ACAD11: variants seen among roughly 807,000 people sequenced by gnomAD.
The protein encoded by ACAD11 is acyl-Coenzyme A dehydrogenase family, member 11.
A neutral mutation model predicts 102.2 loss-of-function variants in ACAD11; 83 were observed. The observed-to-expected ratio is 0.81, with a 90% CI of 0.68 to 0.97. The LOEUF (loss-of-function observed/expected upper bound fraction) is 0.97, where lower values mean the gene tolerates loss of function less well. Ranked by LOEUF, ACAD11 falls within the 50% of genes least tolerant of loss-of-function variation. The probability of loss-of-function intolerance (pLI) is 0.00; values close to 1 mark genes in which losing one functional copy is unlikely to be tolerated. For synonymous variants in ACAD11, 324 were observed against 319.8 expected, an observed-to-expected ratio of 1.01 and a Z score of -0.14; for missense variants, 901 against 951.7, an observed-to-expected ratio of 0.95 and a Z score of 0.70.
chr3:132,624,602 TA>T (rs113651845), intron 9 of ACAD11, among the ~76,000 whole-genome samples: 5 of 140,716 alleles, frequency 3.6e-5, no homozygotes, highest in African/African-American at 2.6e-5. Context: ...AAGACTCCAT[TA>T]AAAAAAAAAA....
chr3:132,625,172 G>A (rs1264232146), intron 9 of ACAD11, among the ~76,000 whole-genome samples: 1 of 152,080 alleles, frequency 6.6e-6, no homozygotes, highest in Non-Finnish European at 1.5e-5. Flanking sequence ...ACTCCACTGT[G>A]GGAAAATGGT....
intron 2 of ACAD11, among the ~76,000 whole-genome samples, chr3:132,644,263 C>T (rs868174502): frequency 6.6e-6 from 1 of 152,088 alleles, no homozygotes; most frequent in African/African-American, 2.4e-5. Context: ...TCTGAAAATC[C>T]ATAGATAATA....
intron 12 of ACAD11, 75 bp from the exon 13 acceptor site, chr3:132,603,402 T>C: frequency 7.5e-7 from 1 of 1,332,004 alleles, no homozygotes; most frequent in Non-Finnish European, 1.1e-6. Context: ...ATGAAAACTT[T>C]AAAAACAAAG....
intron 1 of ACAD11, among the ~76,000 whole-genome samples, chr3:132,653,213 G>A (rs926817328): frequency 6.6e-6 from 1 of 152,068 alleles, no homozygotes; most frequent in Non-Finnish European, 1.5e-5. Flanking sequence ...CATTCTCTTG[G>A]ATGGCTGTTT....
rs772762535 is a variant in ACAD11 at position 132,558,949 on chromosome 3, G to C, written c.*22C>G. 6.4e-7 allele frequency: 1 copy of C among 1,558,724 alleles called. No individual in the cohort carries two copies. Among genetic ancestry groups the C allele is most frequent in the East Asian group, 2.2e-5 (1 of 44,448 alleles). On this transcript the variant is annotated 3_prime_UTR_variant, in exon 20 of 20. Coordinates refer to ENST00000264990, the MANE Select transcript of ACAD11 (RefSeq NM_032169.5). ...GTATAAAGGAGAGTTTCTGCCAGTG[G>C]GATGTGGCAGTGCCACCCTCCTTAT...
chr3:132,604,982 T>G, intron 12 of ACAD11, 116 bp downstream of exon 12: 1 of 682,162 alleles, frequency 1.5e-6, no homozygotes, highest in East Asian at 2.8e-5. Context: ...ACTCACATTT[T>G]TGGCCAATGG....
intron 13 of ACAD11, among the ~76,000 whole-genome samples, chr3:132,588,285 T>TA (rs1224020214): frequency 6.6e-6 from 1 of 152,182 alleles, no homozygotes; most frequent in African/African-American, 2.4e-5. Flanking sequence ...CTTAAGCACT[T>TA]ACTCCACCAG....
At chr3:132,573,737 C>T (rs1360104549) in intron 17 of ACAD11, among the ~76,000 whole-genome samples, 1 of 152,190 alleles carries the variant, frequency 6.6e-6, no homozygotes, top group Non-Finnish European at 1.5e-5. Flanking sequence ...TCAGTTGGGT[C>T]TCTATAGACC....
intron 13 of ACAD11, chr3:132,600,292 C>CTA: frequency 9.7e-7 from 1 of 1,035,464 alleles, no homozygotes; most frequent in Non-Finnish European, 1.4e-6. Context: ...CAGCAACAGG[C>CTA]TATACTCTAG....
chr3:132,575,355 A>T (rs1026625703), intron 17 of ACAD11, among the ~76,000 whole-genome samples: 5 of 152,188 alleles, frequency 3.3e-5, no homozygotes, highest in Non-Finnish European at 7.3e-5. Flanking sequence ...GTTTATTAGC[A>T]TGTTTCTCCT....
chr3:132,564,015 A>G (rs1937141987), intron 17 of ACAD11, among the ~76,000 whole-genome samples: 1 of 152,328 alleles, frequency 6.6e-6, no homozygotes, highest in African/African-American at 2.4e-5. Flanking sequence ...CAAAGCATCA[A>G]TTGATATGAT....
At chr3:132,591,957 C>T (rs1410930855) in intron 13 of ACAD11, among the ~76,000 whole-genome samples, 1 of 151,982 alleles carries the variant, frequency 6.6e-6, no homozygotes, top group Non-Finnish European at 1.5e-5. Context: ...ATTTCCGATA[C>T]CAGGTAAATT....
chr3:132,605,473 T>A (rs1051478221), intron 11 of ACAD11, among the ~76,000 whole-genome samples: 2 of 152,210 alleles, frequency 1.3e-5, no homozygotes, highest in Admixed American at 1.3e-4. Context: ...ACTAATGACA[T>A]CTAACTCAAT....
chr3:132,642,631 A>T (rs376198759), intron 3 of ACAD11, 46 bp downstream of exon 3: 4 of 1,524,996 alleles, frequency 2.6e-6, no homozygotes, highest in Non-Finnish European at 3.6e-6. Context: ...AATTAACTTC[A>T]TAATTAAAAG....
At chr3:132,648,432 T>C (rs945855612) in intron 1 of ACAD11, 1 of 152,178 alleles carries the variant, frequency 6.6e-6, no homozygotes, top group African/African-American at 2.4e-5. Context: ...CCTTTATTTA[T>C]ATCACGGTTA....
chr3:132,576,293 G>C (rs1247616501), intron 16 of ACAD11, among the ~76,000 whole-genome samples: 1 of 152,188 alleles, frequency 6.6e-6, no homozygotes, highest in Non-Finnish European at 1.5e-5. Context: ...AAAGGCAAAG[G>C]AAGAAGAGAT....
chr3:132,606,521 T>C (rs1228616350), intron 11 of ACAD11, among the ~76,000 whole-genome samples: 1 of 152,164 alleles, frequency 6.6e-6, no homozygotes, highest in Non-Finnish European at 1.5e-5. Flanking sequence ...AAAACTTGGA[T>C]AAACTACACC....
At position 132,583,051 on chromosome 3, in the gene ACAD11, G is replaced by T. The variant is rs184234642; in HGVS notation, c.1622-3493C>A. The stretch of plus-strand genomic sequence containing the variant: ...CTCTGCCAGGCTTTGGTATCAGGAT[G>T]ATGCTGGCCTCATAAAATGAGTTAG... On this transcript the variant is annotated intron_variant, in intron 13 of 19. Transcript: ENST00000264990. Among the ~76,000 whole-genome samples, 246 of 152,270 alleles carry T rather than the reference G, an allele frequency of 1.6e-3. 2 individuals carry two copies. Among genetic ancestry groups the T allele is most frequent in the Non-Finnish European group, 2.4e-3 (166 of 68,004 alleles).
At chr3:132,656,013 T>A (rs2107910031) in intron 1 of ACAD11, among the ~76,000 whole-genome samples, 1 of 152,336 alleles carries the variant, frequency 6.6e-6, no homozygotes, top group East Asian at 1.9e-4. Context: ...CGGAGAAAAT[T>A]ACTGTCTTTG....
Sources: gnomAD v4.1 joint callset for allele counts (sites outside exome capture counted in the v4.1 genomes callset) on GRCh38, gnomAD v4.1.1 for gene constraint, MANE v1.5 for transcripts, NCBI Gene and HGNC (gene_info 2026-07-23, HGNC 2026-07-21) for gene names.